NETO2: variants seen among roughly 807,000 people sequenced by gnomAD.
NETO2 encodes neuropilin and tolloid like 2.
A neutral mutation model predicts 62.5 loss-of-function variants in NETO2; 28 were observed. That is an observed-to-expected ratio of 0.45 (90% CI 0.33 to 0.61). The LOEUF (loss-of-function observed/expected upper bound fraction) is 0.61. Among genes scored for constraint, NETO2 ranks in the 20% least tolerant of loss-of-function variants. The pLI, the probability that NETO2 is intolerant of heterozygous loss-of-function variation, is 0.02. For synonymous variants in NETO2, 214 were observed against 219.1 expected, an observed-to-expected ratio of 0.98 and a Z score of 0.21; for missense variants, 548 against 643.2, an observed-to-expected ratio of 0.85 and a Z score of 1.60.
intron 7 of NETO2, among the ~76,000 whole-genome samples, chr16:47,099,430 CATA>C (rs1963496508): frequency 1.3e-5 from 2 of 152,292 alleles, no homozygotes; most frequent in Admixed American, 6.5e-5. Flanking sequence ...CAGCTACCAT[CATA>C]ATGACAGGAT....
intron 6 of NETO2, among the ~76,000 whole-genome samples, chr16:47,117,930 CA>C (rs1963954923): frequency 1.3e-5 from 2 of 152,038 alleles, no homozygotes; most frequent in Admixed American, 1.3e-4. Context: ...CTATTAAAAA[CA>C]TTTTTTTAAA....
rs1963067063 is a variant in NETO2 at position 47,081,869 on chromosome 16, C to A, written c.*1352G>T. On this transcript the variant is annotated 3_prime_UTR_variant, in exon 9 of 9. Coordinates refer to ENST00000562435, the MANE Select transcript of NETO2 (RefSeq NM_018092.5). Reference sequence around the variant, plus strand: ...AAATATCACACAGTGAAAAATTTATCACAAACTAAATACAGTAACAAAAGG... The same window carrying A: ...AAATATCACACAGTGAAAAATTTATAACAAACTAAATACAGTAACAAAAGG... The A allele has an allele frequency of 6.6e-6, 1 of 152,428 alleles. No homozygotes were observed. The allele number at this position is 152,428 out of a possible 1,614,324, so 9.4% of individuals were successfully genotyped here.
At position 47,081,852 on chromosome 16, in the gene NETO2, C is replaced by T. The variant is rs1350349231; in HGVS notation, c.*1369G>A. On this transcript the variant is annotated 3_prime_UTR_variant, in exon 9 of 9. Transcript: ENST00000562435. Reference sequence around the variant, plus strand: ...GTAGTGATTTAGAGCATAAATATCACACAGTGAAAAATTTATCACAAACTA... The same window carrying T: ...GTAGTGATTTAGAGCATAAATATCATACAGTGAAAAATTTATCACAAACTA... 6.6e-6 allele frequency: 1 copy of T among 152,428 alleles called. No homozygotes were observed. Among genetic ancestry groups the T allele is most frequent in the Admixed American group, 6.6e-5 (1 of 15,258 alleles). The allele number at this position is 152,428 out of a possible 1,614,324, so 9.4% of individuals were successfully genotyped here. A position where few individuals can be genotyped will look rare whatever the true frequency, so the allele number is the denominator to read the frequency against.
intron 4 of NETO2, among the ~76,000 whole-genome samples, chr16:47,126,780 A>C (rs951328211): frequency 6.6e-6 from 1 of 152,212 alleles, no homozygotes. Flanking sequence ...TAAAAAATAA[A>C]GTCTATTAGA....
chr16:47,110,099 C>A (rs1963762389), intron 6 of NETO2, among the ~76,000 whole-genome samples: 1 of 152,150 alleles, frequency 6.6e-6, no homozygotes, highest in South Asian at 2.1e-4. Context: ...TTTCTTTTCA[C>A]TCTTTCTGCA....
chr16:47,131,074 GAA>G (rs759384259), intron 2 of NETO2, among the ~76,000 whole-genome samples: 1 of 114,652 alleles, frequency 8.7e-6, no homozygotes, highest in African/African-American at 3.3e-5. Context: ...AATTAAAACA[GAA>G]AAAAAAAAAA....
At position 47,078,360 on chromosome 16, in the gene NETO2, T is replaced by C. The variant is rs1963011889; in HGVS notation, c.*4861A>G. The C allele has an allele frequency of 1.3e-5, 2 of 152,196 alleles. No individual in the cohort carries two copies. The highest frequency in any genetic ancestry group is 6.5e-5 in the Admixed American group (1 of 15,290). 9.4% of individuals were successfully genotyped at this position (152,196 alleles called of 1,614,324 possible). A position where few individuals can be genotyped will look rare whatever the true frequency, so the allele number is the denominator to read the frequency against. On this transcript the variant is annotated 3_prime_UTR_variant, in exon 9 of 9. Coordinates refer to ENST00000562435, the MANE Select transcript of NETO2 (RefSeq NM_018092.5). ...GTTCAAGAGTCAAAATTCTTTTCTATAAAATGCCAAATCTAGGATTAAGCA... is the reference window on the plus strand; with the variant it reads ...GTTCAAGAGTCAAAATTCTTTTCTACAAAATGCCAAATCTAGGATTAAGCA...
chr16:47,123,085 A>C (rs1964074735), intron 4 of NETO2, among the ~76,000 whole-genome samples, 173 bp from the exon 5 acceptor site: 1 of 152,194 alleles, frequency 6.6e-6, no homozygotes, highest in African/African-American at 2.4e-5. Context: ...ACATTTATTT[A>C]ATCACGTTTA....
chr16:47,097,646 A>G (rs1963455823), intron 7 of NETO2, among the ~76,000 whole-genome samples: 1 of 151,962 alleles, frequency 6.6e-6, no homozygotes, highest in Non-Finnish European at 1.5e-5. Context: ...AGAGCAGCAG[A>G]CCTCCCAGCA....
intron 7 of NETO2, among the ~76,000 whole-genome samples, chr16:47,093,085 C>A (rs371559642): frequency 6.6e-6 from 1 of 152,158 alleles, no homozygotes; most frequent in African/African-American, 2.4e-5. Context: ...TAAGGCACAG[C>A]GCTAAAGATG....
chr16:47,122,765 C>T lies in NETO2; in HGVS notation c.546G>A (p.Ser182=), dbSNP rs781106361. 1.4e-5 allele frequency: 23 copies of T among 1,613,846 alleles called. No individual in the cohort carries two copies. The highest frequency in any genetic ancestry group is 1.6e-4 in the Middle Eastern group (1 of 6,084). The part of the protein sequence containing the change: ...NPIPDCQFEL[S]GADGIVRSSQ... ...TAGAGCGCACTATTCCATCAGCTCCCGAGAGCTCGAACTGACAATCTGGAA... is the reference window on the plus strand; with the variant it reads ...TAGAGCGCACTATTCCATCAGCTCCTGAGAGCTCGAACTGACAATCTGGAA... Residue 182 remains serine (S), a synonymous_variant, in exon 6 of 9, where the codon TCG becomes TCA. Transcript: ENST00000562435.
At chr16:47,086,435 C>T (rs555174691) in intron 7 of NETO2, 96 bp from the exon 8 acceptor site, 397 of 727,768 alleles carry the variant, frequency 5.5e-4, no homozygotes, top group South Asian at 1.3e-3. Flanking sequence ...ACTTTCTTAC[C>T]GCAAAGGCCT....
chr16:47,089,601 ATGGTTC>A (rs1186436012), intron 7 of NETO2, among the ~76,000 whole-genome samples: 1 of 152,202 alleles, frequency 6.6e-6, no homozygotes, highest in Non-Finnish European at 1.5e-5. Flanking sequence ...TAATTACTTC[ATGGTTC>A]TTAGATAACA....
At chr16:47,141,975 G>A (rs1441361190) in intron 1 of NETO2, among the ~76,000 whole-genome samples, 1 of 152,184 alleles carries the variant, frequency 6.6e-6, no homozygotes, top group Non-Finnish European at 1.5e-5. Flanking sequence ...ATCAAGTTCT[G>A]CAGGTAAAGC....
At chr16:47,124,257 C>G (rs1964106937) in intron 4 of NETO2, among the ~76,000 whole-genome samples, 1 of 152,140 alleles carries the variant, frequency 6.6e-6, no homozygotes, top group Admixed American at 6.5e-5. Context: ...AAATTTAAAT[C>G]TTAAACGGCA....
At chr16:47,083,908 A>G in intron 8 of NETO2, 107 bp from the exon 9 acceptor site, 1 of 753,532 alleles carries the variant, frequency 1.3e-6, no homozygotes, top group Middle Eastern at 3.2e-4. Context: ...TGGGCCAAAT[A>G]TACTACAGAC....
Position 47,109,498 on chromosome 16 carries a change from T to C in NETO2, c.868A>G (p.Thr290Ala), listed in dbSNP as rs768545647. The change falls in exon 7 of 9, where the codon ACT (threonine) becomes GCT (alanine). Residue 290 changes from threonine to alanine, a missense_variant. Physicochemically the swap from Thr to Ala is moderately conservative, Grantham distance 58 (BLOSUM62 0). Coordinates refer to ENST00000562435, the MANE Select transcript of NETO2 (RefSeq NM_018092.5). The part of the protein sequence containing the change: ...SRLSRFRMLF[T>A]SFVEPPCTSS... ...ATTTACTTACGCTCCACAAAGGAAG[T>C]AAAGAGCATTCGAAACCTGCTAAGC... 1.2e-6 allele frequency: 2 copies of C among 1,613,438 alleles called. No individual in the cohort carries two copies. The highest frequency in any genetic ancestry group is 1.7e-6 in the Non-Finnish European group (2 of 1,179,430).
intron 6 of NETO2, among the ~76,000 whole-genome samples, chr16:47,116,142 G>GTTTT (rs150157077): frequency 7.6e-6 from 1 of 131,510 alleles, no homozygotes; most frequent in Non-Finnish European, 1.7e-5. Flanking sequence ...AGGGTTTTCT[G>GTTTT]TTTTTTTTTT....
intron 6 of NETO2, among the ~76,000 whole-genome samples, chr16:47,113,192 A>G (rs1963838376): frequency 6.6e-6 from 1 of 152,234 alleles, no homozygotes; most frequent in Non-Finnish European, 1.5e-5. Flanking sequence ...GGTTGTACCA[A>G]TTTATATACA....
Sources: gnomAD v4.1 joint callset for allele counts (sites outside exome capture counted in the v4.1 genomes callset) on GRCh38, gnomAD v4.1.1 for gene constraint, MANE v1.5 for transcripts, NCBI Gene and HGNC (gene_info 2026-07-23, HGNC 2026-07-21) for gene names.